Variants in SHISA9 observed in about 807,000 individuals in gnomAD.
SHISA9 encodes the protein protein shisa-9.
In SHISA9, 13 loss-of-function variants were observed where a neutral mutation model predicts 38.0. The observed-to-expected ratio is 0.34, with a 90% CI of 0.22 to 0.54. SHISA9 has a LOEUF of 0.54. SHISA9 is among the 20% of genes least tolerant of loss of function. The pLI is 0.91. For synonymous variants in SHISA9, 275 were observed against 242.0 expected (o/e 1.14, Z -1.27); for missense variants, 538 against 575.8 (o/e 0.93, Z 0.67).
chr16:12,950,983 G>T, intron 2 of SHISA9, among the ~76,000 whole-genome samples: 1 of 150,368 alleles, frequency 6.7e-6, no homozygotes, highest in Non-Finnish European at 1.5e-5. Context: ...GCACTTTGTG[G>T]GGACGAGGCG....
chr16:13,352,717 G>GA, the SHISA9 span, among the ~76,000 whole-genome samples: 3 of 109,264 alleles, frequency 2.7e-5, no homozygotes, highest in Admixed American at 9.6e-5. Flanking sequence ...GGGGGGCGGG[G>GA]CGTTTTATAG....
At chr16:13,230,206 T>C (rs1268354073) in intron 4 of SHISA9, among the ~76,000 whole-genome samples, 1 of 152,202 alleles carries the variant, frequency 6.6e-6, no homozygotes, top group Non-Finnish European at 1.5e-5. Flanking sequence ...ACCATGTCTG[T>C]TTCTGATTCT....
chr16:13,337,523 G>A, the SHISA9 span, among the ~76,000 whole-genome samples: 10 of 152,056 alleles, frequency 6.6e-5, no homozygotes, highest in Admixed American at 1.3e-4. Flanking sequence ...AGACTAATAT[G>A]GTTACCATTC....
At chr16:13,379,357 C>A in the SHISA9 span, among the ~76,000 whole-genome samples, 118,907 of 152,120 alleles carry the variant, frequency 0.78, 46,662 homozygotes, top group East Asian at 0.96. Flanking sequence ...AAGATGGATG[C>A]AGCATCATAC....
chr16:12,974,820 T>A (rs2072134990), intron 2 of SHISA9, among the ~76,000 whole-genome samples: 1 of 152,200 alleles, frequency 6.6e-6, no homozygotes, highest in African/African-American at 2.4e-5. Flanking sequence ...CTTAGGTTGC[T>A]TATTATGAAA....
At chr16:12,931,020 C>T (rs1373539035) in intron 2 of SHISA9, among the ~76,000 whole-genome samples, 5 of 152,024 alleles carry the variant, frequency 3.3e-5, no homozygotes, top group Non-Finnish European at 7.4e-5. Flanking sequence ...TCTTATAATC[C>T]CCACCCCTGG....
chr16:13,084,755 CATA>C (rs2073692155), intron 2 of SHISA9, among the ~76,000 whole-genome samples: 2 of 149,888 alleles, frequency 1.3e-5, no homozygotes, highest in African/African-American at 2.5e-5. Context: ...GACCATAGAC[CATA>C]GACCATAGAC....
At chr16:13,360,355 A>T in the SHISA9 span, among the ~76,000 whole-genome samples, 9 of 152,078 alleles carry the variant, frequency 5.9e-5, no homozygotes, top group Non-Finnish European at 1.2e-4. Context: ...TCACCACCCA[A>T]ATCTCATCTT....
At chr16:13,441,483 G>A in the SHISA9 span, among the ~76,000 whole-genome samples, 2 of 152,174 alleles carry the variant, frequency 1.3e-5, no homozygotes, top group Non-Finnish European at 2.9e-5. Flanking sequence ...CCCTATCTAT[G>A]AGGAACATCT....
chr16:13,069,683 AC>A (rs1442365388), intron 2 of SHISA9, among the ~76,000 whole-genome samples: 2 of 151,946 alleles, frequency 1.3e-5, no homozygotes, highest in Non-Finnish European at 2.9e-5. Context: ...GTGTACCCAT[AC>A]CAGTGAGGGT....
chr16:13,523,076 G>A, the SHISA9 span, among the ~76,000 whole-genome samples: 5 of 152,244 alleles, frequency 3.3e-5, no homozygotes, highest in East Asian at 9.7e-4. Context: ...GGCCAGGCTC[G>A]GTAGCTCACG....
At chr16:13,490,696 A>C in the SHISA9 span, among the ~76,000 whole-genome samples, 1 of 152,166 alleles carries the variant, frequency 6.6e-6, no homozygotes, top group Non-Finnish European at 1.5e-5. Flanking sequence ...GTATGTATTG[A>C]TCCACTCGAG....
intron 4 of SHISA9, among the ~76,000 whole-genome samples, chr16:13,225,199 A>G (rs2051266969): frequency 1.3e-5 from 2 of 152,224 alleles, no homozygotes; most frequent in South Asian, 4.1e-4. Flanking sequence ...AAGGATTGCC[A>G]GCAACCACCA....
intron 2 of SHISA9, among the ~76,000 whole-genome samples, chr16:13,089,945 A>G (rs938113946): frequency 6.6e-5 from 10 of 152,212 alleles, no homozygotes; most frequent in African/African-American, 2.4e-4. Flanking sequence ...ATTTAGTGCA[A>G]TAAATTTCCC....
At chr16:13,066,535 T>TGA (rs2073436850) in intron 2 of SHISA9, among the ~76,000 whole-genome samples, 1 of 152,212 alleles carries the variant, frequency 6.6e-6, no homozygotes, top group Admixed American at 6.5e-5. Context: ...AGGCACTCAA[T>TGA]GAATATATGT....
At chr16:13,007,285 A>G (rs2072610350) in intron 2 of SHISA9, among the ~76,000 whole-genome samples, 2 of 151,956 alleles carry the variant, frequency 1.3e-5, no homozygotes, top group African/African-American at 4.8e-5. Flanking sequence ...GGCTCTTCCT[A>G]ATATCCAGTT....
chr16:13,097,862 G>T (rs1303873153), intron 2 of SHISA9, among the ~76,000 whole-genome samples: 1 of 152,212 alleles, frequency 6.6e-6, no homozygotes, highest in Non-Finnish European at 1.5e-5. Context: ...TCACCAGGTT[G>T]TCCTGGCCAA....
chr16:13,200,732 C>T (rs923007146), intron 2 of SHISA9, among the ~76,000 whole-genome samples: 1 of 135,274 alleles, frequency 7.4e-6, no homozygotes, highest in Non-Finnish European at 1.6e-5. Context: ...AGGATACATG[C>T]GTCTCTCCAG....
At chr16:13,123,599 T>G (rs1266385162) in intron 2 of SHISA9, among the ~76,000 whole-genome samples, 2 of 152,226 alleles carry the variant, frequency 1.3e-5, no homozygotes, top group Non-Finnish European at 2.9e-5. Context: ...AGGTCTGAGA[T>G]AGATGGTGAA....
Sources: gnomAD v4.1 joint callset for allele counts (sites outside exome capture counted in the v4.1 genomes callset) on GRCh38, gnomAD v4.1.1 for gene constraint, MANE v1.5 for transcripts, NCBI Gene and HGNC (gene_info 2026-07-23, HGNC 2026-07-21) for gene names.